The following YAP1 variants were observed in gnomAD, a reference collection of about 807,000 sequenced individuals.
The protein encoded by YAP1 is transcriptional coactivator YAP1.
YAP1 carries 5 observed loss-of-function variants against 56.9 expected under a neutral mutation model. The observed-to-expected ratio is 0.09, with a 90% CI of 0.05 to 0.18. The LOEUF is 0.18. YAP1 is among the 10% of genes least tolerant of loss of function. The probability of loss-of-function intolerance (pLI) is 1.00; values close to 1 mark genes in which losing one functional copy is unlikely to be tolerated. For missense variants in YAP1, 539 were observed against 651.8 expected (o/e 0.83, Z 1.88); for synonymous variants, 265 against 248.1 (o/e 1.07, Z -0.64).
chr11:102,116,933 A>T (rs866304673), intron 2 of YAP1, among the ~76,000 whole-genome samples: 3 of 152,156 alleles, frequency 2.0e-5, no homozygotes, highest in Admixed American at 6.5e-5. Flanking sequence ...GATGTGGGAG[A>T]AGAATGCTGT....
chr11:102,143,826 G>A (rs1253101131), intron 2 of YAP1, among the ~76,000 whole-genome samples: 1 of 152,216 alleles, frequency 6.6e-6, no homozygotes, highest in East Asian at 1.9e-4. Flanking sequence ...TATGATAACT[G>A]TGAAAACAGT....
intron 6 of YAP1, among the ~76,000 whole-genome samples, chr11:102,217,501 G>A (rs1324260840): frequency 6.6e-6 from 1 of 152,070 alleles, no homozygotes; most frequent in Non-Finnish European, 1.5e-5. Flanking sequence ...CAATAAAAAG[G>A]AATGAACTGT....
At chr11:102,181,009 G>A (rs940122373) in intron 3 of YAP1, among the ~76,000 whole-genome samples, 45 of 152,098 alleles carry the variant, frequency 3.0e-4, no homozygotes, top group East Asian at 3.9e-4. Flanking sequence ...ATAGCTGAGC[G>A]TGGTGGTGTG....
chr11:102,203,367 G>A (rs1054761433), intron 4 of YAP1, among the ~76,000 whole-genome samples: 1 of 152,118 alleles, frequency 6.6e-6, no homozygotes, highest in Non-Finnish European at 1.5e-5. Context: ...TTGATAATAG[G>A]GAAATGTAGA....
At chr11:102,219,396 A>G (rs975023884) in intron 6 of YAP1, among the ~76,000 whole-genome samples, 6 of 152,184 alleles carry the variant, frequency 3.9e-5, no homozygotes, top group African/African-American at 1.2e-4. Flanking sequence ...GTCTGTGTCT[A>G]ATCCAATCTC....
chr11:102,111,788 T>C (rs1189572530), intron 1 of YAP1, among the ~76,000 whole-genome samples: 1 of 151,882 alleles, frequency 6.6e-6, no homozygotes, highest in Non-Finnish European at 1.5e-5. Flanking sequence ...GTAGAACCGG[T>C]CCATTTAGTT....
intron 3 of YAP1, among the ~76,000 whole-genome samples, chr11:102,177,665 G>A (rs1429789518): frequency 1.5e-5 from 2 of 135,086 alleles, no homozygotes; most frequent in African/African-American, 2.9e-5. Flanking sequence ...GACAGAGTGA[G>A]ACTCGGTCTC....
intron 5 of YAP1, among the ~76,000 whole-genome samples, chr11:102,208,707 A>G (rs776660992): frequency 3.3e-5 from 5 of 152,168 alleles, no homozygotes; most frequent in Non-Finnish European, 5.9e-5. Flanking sequence ...GCCGAGTAGT[A>G]GTTGTTCTAA....
intron 7 of YAP1, 60 bp downstream of exon 7, chr11:102,223,812 G>C: frequency 6.3e-7 from 1 of 1,599,504 alleles, no homozygotes; most frequent in Non-Finnish European, 8.5e-7. Context: ...AAATCATTCT[G>C]CTTAGTGCTT....
chr11:102,166,328 T>A (rs1167132450), intron 3 of YAP1, among the ~76,000 whole-genome samples: 3 of 152,214 alleles, frequency 2.0e-5, no homozygotes, highest in Non-Finnish European at 4.4e-5. Context: ...TTTCTTCCAT[T>A]TCAGTGGAAG....
At chr11:102,142,515 G>A (rs1252894022) in intron 2 of YAP1, among the ~76,000 whole-genome samples, 2 of 152,208 alleles carry the variant, frequency 1.3e-5, no homozygotes, top group Admixed American at 1.3e-4. Context: ...AGCCAAAAAA[G>A]GGCCGTCTTC....
chr11:102,137,562 A>G (rs927190710), intron 2 of YAP1, among the ~76,000 whole-genome samples: 3 of 152,208 alleles, frequency 2.0e-5, no homozygotes, highest in Non-Finnish European at 4.4e-5. Flanking sequence ...TGAGAAAAAG[A>G]CAACATATAT....
At chr11:102,203,375 A>G (rs1445412756) in intron 4 of YAP1, among the ~76,000 whole-genome samples, 1 of 152,252 alleles carries the variant, frequency 6.6e-6, no homozygotes, top group Non-Finnish European at 1.5e-5. Context: ...AGGGAAATGT[A>G]GACATGGGAT....
chr11:102,175,356 C>T (rs1344471900), intron 3 of YAP1, among the ~76,000 whole-genome samples: 5 of 152,008 alleles, frequency 3.3e-5, no homozygotes, highest in African/African-American at 1.2e-4. Flanking sequence ...GCCAAGATCG[C>T]GCCACTGCAC....
chr11:102,222,844 C>G (rs1467418522), intron 6 of YAP1, among the ~76,000 whole-genome samples: 1 of 150,194 alleles, frequency 6.7e-6, no homozygotes, highest in Admixed American at 6.7e-5. Context: ...GTAAAATCAT[C>G]AGATGCTATT....
At chr11:102,138,034 C>A (rs531931423) in intron 2 of YAP1, among the ~76,000 whole-genome samples, 60 of 152,198 alleles carry the variant, frequency 3.9e-4, no homozygotes, top group African/African-American at 1.4e-3. Context: ...ATTACAGGCG[C>A]GTGCCACCAC....
chr11:102,162,502 C>T lies in YAP1; in HGVS notation c.619C>T (p.Leu207=), dbSNP rs1174278353. The change falls in exon 3 of 9, where the codon CTG becomes TTG. Residue 207 remains leucine (L), a synonymous_variant. Transcript: ENST00000282441. The part of the protein sequence containing the change: ...TTWQDPRKAM[L]SQMNVTAPTS... ...ATGGCAGGACCCCAGGAAGGCCATG[C>T]TGTCCCAGATGAACGTCACAGCCCC... The T allele has an allele frequency of 6.2e-7, 1 of 1,614,224 alleles. No homozygotes were observed. The highest frequency in any genetic ancestry group is 2.2e-5 in the East Asian group (1 of 44,892).
At position 102,112,805 on chromosome 11, in the gene YAP1, T is replaced by C. The variant is rs1234919050; in HGVS notation, c.322-1339T>C. On this transcript the variant is annotated intron_variant, in intron 1 of 8. Transcript: ENST00000282441. Reference sequence around the variant, plus strand: ...TATGGACTCATTGTGGGTAAATGTATGTTGGCATGCACCCTACAGACTGCA... The same window carrying C: ...TATGGACTCATTGTGGGTAAATGTACGTTGGCATGCACCCTACAGACTGCA... 4.1e-6 allele frequency: 4 copies of C among 979,256 alleles called. No homozygotes were observed. In the South Asian group the frequency reaches 1.4e-4, roughly 35 times the overall value. 60.7% of individuals were successfully genotyped at this position (979,256 alleles called of 1,614,324 possible). A position where few individuals can be genotyped will look rare whatever the true frequency, so the allele number is the denominator to read the frequency against.
At chr11:102,204,869 T>A (rs1238685087) in intron 4 of YAP1, among the ~76,000 whole-genome samples, 2 of 152,188 alleles carry the variant, frequency 1.3e-5, no homozygotes, top group Non-Finnish European at 2.9e-5. Flanking sequence ...GTAAGACTGG[T>A]ATTATTTCTT....
Sources: gnomAD v4.1 joint callset for allele counts (sites outside exome capture counted in the v4.1 genomes callset) on GRCh38, gnomAD v4.1.1 for gene constraint, MANE v1.5 for transcripts, NCBI Gene and HGNC (gene_info 2026-07-23, HGNC 2026-07-21) for gene names.